LRP1: variants seen among roughly 807,000 people sequenced by gnomAD.
LRP1 encodes the protein prolow-density lipoprotein receptor-related protein 1.
LRP1 carries 51 observed loss-of-function variants against 541.5 expected under a neutral mutation model. That is an observed-to-expected ratio of 0.09 (90% CI 0.08 to 0.12). LRP1 has a LOEUF of 0.12. Among genes scored for constraint, LRP1 ranks in the 10% least tolerant of loss-of-function variants. The probability of loss-of-function intolerance (pLI) is 1.00; values close to 1 mark genes in which losing one functional copy is unlikely to be tolerated. For missense variants in LRP1, 3,878 were observed against 6,376.2 expected (o/e 0.61, Z 13.34); for synonymous variants, 2,219 against 2,470.8 (o/e 0.90, Z 3.02).
Position 57,165,976 on chromosome 12 carries a change from G to A in LRP1, c.2671+31G>A, listed in dbSNP as rs1299472825. On this transcript the variant is annotated intron_variant, in intron 16 of 88. Coordinates refer to ENST00000243077, the MANE Select transcript of LRP1 (RefSeq NM_002332.3). This position sits in a 1 kb window ranked among gnomAD's most constrained non-coding sequence, Gnocchi z 4.5. The stretch of plus-strand genomic sequence containing the variant: ...TCACACGCCCTGCCCCACCCTGTTG[G>A]ATGGCAGGCCTGCAGGGCAGCTCGG... The A allele has an allele frequency of 6.2e-7, 1 of 1,613,162 alleles. No individual in the cohort carries two copies. Among genetic ancestry groups the A allele is most frequent in the Non-Finnish European group, 8.5e-7 (1 of 1,179,170 alleles).
In LRP1 at chr12:57,154,468, T is replaced by C; in HGVS notation, c.1005-11T>C. 6.2e-7 allele frequency: 1 copy of C among 1,611,586 alleles called. No individual in the cohort carries two copies. The highest frequency in any genetic ancestry group is 8.5e-7 in the Non-Finnish European group (1 of 1,177,768). On this transcript the variant is annotated splice_polypyrimidine_tract_variant and intron_variant, in intron 7 of 88. Transcript: ENST00000243077. This position sits in a 1 kb window ranked among gnomAD's most constrained non-coding sequence, Gnocchi z 4.6. ...ATGTCCAGACCCCATTTAACATGCATCTTCCCACAGGAAGGTGTTTTTCAC... is the reference window on the plus strand; with the variant it reads ...ATGTCCAGACCCCATTTAACATGCACCTTCCCACAGGAAGGTGTTTTTCAC...
chr12:57,141,309 T>A lies in LRP1; in HGVS notation c.191-65T>A. On this transcript the variant is annotated intron_variant, in intron 2 of 88. Transcript: ENST00000243077. ...CAGTTTTATCTCCCCTCATCCCCAG[T>A]GAACAGCTGACCAGAGAGCCACCAT... 3 of 1,600,488 alleles carry A rather than the reference T, an allele frequency of 1.9e-6. No individual in the cohort carries two copies. In the Admixed American group the frequency reaches 5.1e-5, roughly 27 times the overall value.
At position 57,177,239 on chromosome 12, in the gene LRP1, G is replaced by A; in HGVS notation, c.4190G>A (p.Arg1397Gln). The A allele has an allele frequency of 2.5e-6, 4 of 1,613,940 alleles. No individual in the cohort carries two copies. Among genetic ancestry groups the A allele is most frequent in the Non-Finnish European group, 3.4e-6 (4 of 1,179,914 alleles). Reference protein sequence around the residue: ...EHPRAIALDPRDGILFWTDWD... With the variant: ...EHPRAIALDPQDGILFWTDWD... ...CCAAGGGCAATCGCACTGGATCCCC[G>A]GGATGGGTGAGGACCTTGCCCAGCC... is the stretch of plus-strand genomic sequence containing the variant. Residue 1397 changes from arginine to glutamine, a missense_variant, in exon 25 of 89, where the codon CGG (arginine) becomes CAG (glutamine). Coordinates refer to ENST00000243077, the MANE Select transcript of LRP1 (RefSeq NM_002332.3). The surrounding 1 kb of genome is among the most constrained non-coding windows in gnomAD (Gnocchi z 6.8).
Position 57,205,303 on chromosome 12 carries a change from T to G in LRP1, c.11336-48T>G. ...GTGGGGAGTGGGGAGAGCCAAGCCCTGGCCTGGGGTGGCTCAAGGGAGGGC... is the reference window on the plus strand; with the variant it reads ...GTGGGGAGTGGGGAGAGCCAAGCCCGGGCCTGGGGTGGCTCAAGGGAGGGC... On this transcript the variant is annotated intron_variant, in intron 73 of 88. Transcript: ENST00000243077. The surrounding 1 kb of genome is among the most constrained non-coding windows in gnomAD (Gnocchi z 4.6). 1 of 1,590,152 alleles carries G rather than the reference T, an allele frequency of 6.3e-7. No individual in the cohort carries two copies. Among genetic ancestry groups the G allele is most frequent in the Non-Finnish European group, 8.6e-7 (1 of 1,165,134 alleles).
In LRP1 at chr12:57,205,143, C is replaced by T. The variant is rs746617266; in HGVS notation, c.11229C>T (p.Asp3743=). The T allele has an allele frequency of 2.5e-6, 4 of 1,613,986 alleles. No individual in the cohort carries two copies. Among genetic ancestry groups the T allele is most frequent in the Non-Finnish European group, 2.5e-6 (3 of 1,179,996 alleles). Residue 3743 remains aspartate (D), a synonymous_variant, in exon 73 of 89, where the codon GAC becomes GAT. Coordinates refer to ENST00000243077, the MANE Select transcript of LRP1 (RefSeq NM_002332.3). The surrounding 1 kb of genome is among the most constrained non-coding windows in gnomAD (Gnocchi z 4.6). ...CAGCCCACACCACCCACTGCAAAGACAAGAAGGAGTTTCTGTGCCGGAACC... is the reference window on the plus strand; with the variant it reads ...CAGCCCACACCACCCACTGCAAAGATAAGAAGGAGTTTCTGTGCCGGAACC... ...PPTAHTTHCK[D]KKEFLCRNQR... is the part of the protein sequence containing the mutation.
chr12:57,139,137 T>G (rs1021394935), intron 2 of LRP1, among the ~76,000 whole-genome samples: 3 of 152,308 alleles, frequency 2.0e-5, no homozygotes, highest in Admixed American at 6.5e-5. Context: ...CCAAGGGAAG[T>G]GGAGAACTTG....
Position 57,199,364 on chromosome 12 carries a change from G to C in LRP1, c.9829G>C (p.Asp3277His). 6.2e-7 allele frequency: 1 copy of C among 1,612,462 alleles called. No homozygotes were observed. Among genetic ancestry groups the C allele is most frequent in the Non-Finnish European group, 8.5e-7 (1 of 1,179,694 alleles). ...CATCAGCACGCTGCACCGGCCCATG[G>C]ACCTGCATGTCTTCCATGCCCTGCG... ...LLISTLHRPM[D>H]LHVFHALRQP... Residue 3277 changes from aspartate to histidine, a missense_variant, in exon 61 of 89, where the codon GAC becomes CAC. By Grantham distance (81) the Asp-to-His change is moderately conservative. Transcript: ENST00000243077.
chr12:57,208,762 G>A lies in LRP1; in HGVS notation c.12090G>A (p.Ala4030=), dbSNP rs776562368. Residue 4030 remains alanine, a synonymous_variant, in exon 78 of 89, where the codon GCG becomes GCA. Transcript: ENST00000243077. ...WGNHPKIETA[A]MDGTLRETLV... ...ACCACCCCAAGATTGAGACGGCAGC[G>A]ATGGATGGGACGCTTCGGGAGACAC... The A allele has an allele frequency of 2.4e-5, 39 of 1,614,094 alleles. No homozygotes were observed. The highest frequency in any genetic ancestry group is 3.2e-5 in the Non-Finnish European group (38 of 1,179,994).
At chr12:57,134,625 C>G (rs973273949) in intron 1 of LRP1, among the ~76,000 whole-genome samples, 1 of 152,144 alleles carries the variant, frequency 6.6e-6, no homozygotes, top group Non-Finnish European at 1.5e-5. Flanking sequence ...TCAAGTGATC[C>G]GCCCATCTCC....
Position 57,199,304 on chromosome 12 carries a change from G to T in LRP1, c.9769G>T (p.Ala3257Ser). The stretch of plus-strand genomic sequence containing the variant: ...CTGGGAAACAAAGTCCATTAACCGA[G>T]CCCACAAGACCACGGGCACCAACAA... The part of the protein sequence containing the change: ...TDWETKSINR[A>S]HKTTGTNKTL... The change falls in exon 61 of 89, where the codon GCC (alanine) becomes TCC (serine). Residue 3257 changes from alanine to serine, a missense_variant. Transcript: ENST00000243077. 6.2e-7 allele frequency: 1 copy of T among 1,613,804 alleles called. No homozygotes were observed.
Position 57,202,525 on chromosome 12 carries a change from G to A in LRP1, c.10699G>A (p.Glu3567Lys), listed in dbSNP as rs1281762484. 1 of 1,608,168 alleles carries A rather than the reference G, an allele frequency of 6.2e-7. No homozygotes were observed. ...CAACGATTGCGGTGACAACTCCGATGAAGAGAGCTGCAGTACGTCCCCACC... is the reference window on the plus strand; with the variant it reads ...CAACGATTGCGGTGACAACTCCGATAAAGAGAGCTGCAGTACGTCCCCACC... ...YDNDCGDNSD[E>K]ESCTPRPCSE... The change falls in exon 68 of 89, where the codon GAA becomes AAA. Residue 3567 changes from glutamate (E) to lysine (K), a missense_variant. Physicochemically the swap from Glu to Lys is moderately conservative, Grantham distance 56. This residue lies in a region of LRP1 where 278 missense variants were observed against 536.3 expected (regional missense o/e 0.52). Transcript: ENST00000243077.
In LRP1 at chr12:57,196,287, G is replaced by A; in HGVS notation, c.8892+10G>A. The A allele has an allele frequency of 6.4e-7, 1 of 1,559,642 alleles. No individual in the cohort carries two copies. The highest frequency in any genetic ancestry group is 1.2e-5 in the South Asian group (1 of 84,324). ...CAAGATCGGCTTCAAGGTATGCCCA[G>A]CCCTGGGGAGGAGCTTCCACACCCC... On this transcript the variant is annotated intron_variant, in intron 55 of 88. Transcript: ENST00000243077.
At chr12:57,167,776 T>G (rs888569314) in intron 19 of LRP1, among the ~76,000 whole-genome samples, 1 of 152,164 alleles carries the variant, frequency 6.6e-6, no homozygotes, top group Non-Finnish European at 1.5e-5. Context: ...CACCCTCTAG[T>G]AGGGCTCGGA....
intron 3 of LRP1, 80 bp downstream of exon 3, chr12:57,141,591 C>T: frequency 6.4e-7 from 1 of 1,557,408 alleles, no homozygotes; most frequent in Non-Finnish European, 8.8e-7. Context: ...GTCCTGGCAC[C>T]TTCAGTGGGG....
At chr12:57,172,315 G>A (rs2035961872) in intron 20 of LRP1, among the ~76,000 whole-genome samples, 1 of 152,058 alleles carries the variant, frequency 6.6e-6, no homozygotes, top group African/African-American at 2.4e-5. Context: ...GACTACAGGT[G>A]CCTGCCACCA....
At chr12:57,174,083 C>A in intron 22 of LRP1, 103 bp downstream of exon 22, 2 of 1,226,210 alleles carry the variant, frequency 1.6e-6, no homozygotes, top group Non-Finnish European at 2.3e-6. Context: ...GCAGCTCTGG[C>A]AGCCGGGCAG....
At position 57,198,501 on chromosome 12, in the gene LRP1, G is replaced by A. The variant is rs201163619; in HGVS notation, c.9507G>A (p.Leu3169=). The A allele has an allele frequency of 4.0e-5, 64 of 1,614,066 alleles. No homozygotes were observed. The highest frequency in any genetic ancestry group is 4.7e-5 in the Non-Finnish European group (55 of 1,180,038). ...GGACAGACTGGGGTGACCATTCACT[G>A]ATCGGCCGCATCGGCATGGATGGGT... is the stretch of plus-strand genomic sequence containing the variant. ...LYWTDWGDHS[L]IGRIGMDGSS... Residue 3169 remains leucine, a synonymous_variant, in exon 60 of 89, where the codon CTG becomes CTA. Coordinates refer to ENST00000243077, the MANE Select transcript of LRP1 (RefSeq NM_002332.3).
chr12:57,141,217 A>C (rs1218358345), intron 2 of LRP1, among the ~76,000 whole-genome samples, 157 bp from the exon 3 acceptor site: 1 of 151,890 alleles, frequency 6.6e-6, no homozygotes, highest in African/African-American at 2.4e-5. Flanking sequence ...TACTGTGGGG[A>C]ATATTGTAAA....
rs1039328403 is a variant in LRP1, at chr12:57,165,779, C to A, written c.2531-26C>A. On this transcript the variant is annotated intron_variant, in intron 15 of 88. Coordinates refer to ENST00000243077, the MANE Select transcript of LRP1 (RefSeq NM_002332.3). This position sits in a 1 kb window ranked among gnomAD's most constrained non-coding sequence, Gnocchi z 4.5. ...TCCCACGACCGGGGTCTGACTTTCC[C>A]CCTCACGATCCTGTGGTGCCCACAG... The A allele has an allele frequency of 2.5e-6, 4 of 1,602,360 alleles. No homozygotes were observed. The African/African-American group carries it at 5.4e-5, about 21-fold the overall frequency.
Sources: gnomAD v4.1 joint callset for allele counts (sites outside exome capture counted in the v4.1 genomes callset) on GRCh38, gnomAD v4.1.1 for gene constraint, gnomAD v4.1.1 regional missense constraint, Gnocchi (gnomAD v3.1) non-coding constraint, MANE v1.5 for transcripts, NCBI Gene and HGNC (gene_info 2026-07-23, HGNC 2026-07-21) for gene names.